Variants in GDAP1 observed in about 807,000 individuals in gnomAD.
GDAP1 encodes the protein ganglioside-induced differentiation-associated protein 1.
Under a neutral mutation model 40.1 loss-of-function variants are expected in GDAP1, and 34 were observed. The observed-to-expected ratio is 0.85, with a 90% CI of 0.64 to 1.13. The LOEUF is 1.13. GDAP1 is among the 50% of genes most tolerant of loss of function. The probability of loss-of-function intolerance (pLI) is 0.00; values close to 1 mark genes in which losing one functional copy is unlikely to be tolerated. For missense variants in GDAP1, 374 were observed against 433.7 expected (o/e 0.86, Z 1.22); for synonymous variants, 170 against 157.4 (o/e 1.08, Z -0.60).
chr8:74,382,898 A>G (rs140426456), intron 2 of GDAP1, among the ~76,000 whole-genome samples: 98 of 152,220 alleles, frequency 6.4e-4, no homozygotes, highest in African/African-American at 2.1e-3. Context: ...TCCTGTCAGG[A>G]GTTCTAAGCT....
intron 2 of GDAP1, among the ~76,000 whole-genome samples, chr8:74,455,482 G>A (rs932689102): frequency 1.3e-5 from 2 of 151,886 alleles, no homozygotes; most frequent in Non-Finnish European, 2.9e-5. Context: ...ATGACCCAAA[G>A]AATCTACAAA....
At chr8:74,383,081 C>T (rs938227115) in intron 2 of GDAP1, among the ~76,000 whole-genome samples, 2 of 152,140 alleles carry the variant, frequency 1.3e-5, no homozygotes, top group African/African-American at 4.8e-5. Context: ...AAGTCTGGGT[C>T]TTTTCAAGGT....
rs749792835 is a variant in GDAP1 at position 74,350,485 on chromosome 8, G to GAA, written c.25_26insAA (p.Arg9LysfsTer7). On this transcript the variant is annotated frameshift_variant, in exon 1 of 6. Coordinates refer to ENST00000220822, the MANE Select transcript of GDAP1 (RefSeq NM_018972.4). LOFTEE classifies it high-confidence loss of function. ...AGATGGCTGAGAGGCAGGAAGAGCA[G>GAA]AGAGGGAGCCCGCCCTTGAGGGCGG... is the stretch of plus-strand genomic sequence containing the variant. 1 of 1,612,826 alleles carries GAA rather than the reference G, an allele frequency of 6.2e-7. No individual in the cohort carries two copies. Among genetic ancestry groups the GAA allele is most frequent in the South Asian group, 1.1e-5 (1 of 91,070 alleles).
chr8:74,381,083 A>AGTGT (rs35444187), intron 2 of GDAP1, among the ~76,000 whole-genome samples: 32 of 150,710 alleles, frequency 2.1e-4, no homozygotes, highest in African/African-American at 4.6e-4. Context: ...ATGTTATTTG[A>AGTGT]GTGTGTGTGT....
At chr8:74,367,796 G>A (rs1362994207), downstream of GDAP1, among the ~76,000 whole-genome samples, 1 of 152,200 alleles carries the variant, frequency 6.6e-6, no homozygotes, top group Non-Finnish European at 1.5e-5. Context: ...AAGAGAAGGA[G>A]TGAAAGAACT....
chr8:74,446,622 G>T (rs1005194928), intron 2 of GDAP1, among the ~76,000 whole-genome samples: 1 of 152,158 alleles, frequency 6.6e-6, no homozygotes, highest in African/African-American at 2.4e-5. Context: ...ATTACTTTTA[G>T]TTGAAAAATG....
chr8:74,478,110 T>C (rs114859291), intron 2 of GDAP1, among the ~76,000 whole-genome samples: 4,143 of 39,472 alleles, frequency 0.1, 204 homozygotes, highest in African/African-American at 0.28. Context: ...AGGGTGCTGG[T>C]GGGGTGGTGG....
intron 2 of GDAP1, among the ~76,000 whole-genome samples, chr8:74,477,999 A>G (rs1806653142): frequency 6.6e-6 from 1 of 151,926 alleles, no homozygotes; most frequent in Admixed American, 6.6e-5. Flanking sequence ...TGTGTATCCT[A>G]TGCGCACATT....
At position 74,351,353 on chromosome 8, in the gene GDAP1, C is replaced by T. The variant is rs762688238; in HGVS notation, c.197C>T (p.Pro66Leu). 1.2e-6 allele frequency: 2 copies of T among 1,613,946 alleles called. No homozygotes were observed. Among genetic ancestry groups the T allele is most frequent in the Admixed American group, 3.3e-5 (2 of 60,026 alleles). ...VSLPLSEHNE[P>L]WFMRLNSTGE... is the part of the protein sequence containing the mutation. ...CTGCCCTTGAGTGAGCACAATGAGC[C>T]TTGGTTTATGCGTTTGAACTCAACT... is the stretch of plus-strand genomic sequence containing the variant. Residue 66 changes from proline to leucine, a missense_variant, in exon 2 of 6, where the codon CCT becomes CTT. Transcript: ENST00000220822.
rs1439179536 is a variant in GDAP1, at chr8:74,365,656, T to C, written c.*1289T>C. Reference sequence around the variant, plus strand: ...AAGAATGTACTAACTTTATCATTAATAGGAAAGTCATACCTAGGAAACAAT... The same window carrying C: ...AAGAATGTACTAACTTTATCATTAACAGGAAAGTCATACCTAGGAAACAAT... On this transcript the variant is annotated 3_prime_UTR_variant, in exon 6 of 6. Coordinates refer to ENST00000220822, the MANE Select transcript of GDAP1 (RefSeq NM_018972.4). The C allele has an allele frequency of 1.1e-5, 5 of 454,390 alleles. No individual in the cohort carries two copies. The highest frequency in any genetic ancestry group is 2.2e-5 in the Non-Finnish European group (5 of 226,806). 28.1% of individuals were successfully genotyped at this position (454,390 alleles called of 1,614,324 possible). A position where few individuals can be genotyped will look rare whatever the true frequency, so the allele number is the denominator to read the frequency against.
At chr8:74,402,134 TTGTC>T (rs1165824696) in intron 2 of GDAP1, among the ~76,000 whole-genome samples, 2 of 150,318 alleles carry the variant, frequency 1.3e-5, no homozygotes, top group Admixed American at 1.3e-4. Flanking sequence ...GCCTTTTTGT[TTGTC>T]TGTGCCCTGC....
At chr8:74,435,603 C>T (rs1399354665) in intron 2 of GDAP1, among the ~76,000 whole-genome samples, 1 of 152,172 alleles carries the variant, frequency 6.6e-6, no homozygotes, top group Non-Finnish European at 1.5e-5. Context: ...CAGAAGGATT[C>T]TGAGTTTTTA....
At chr8:74,357,575 T>C (rs1175835453) in intron 2 of GDAP1, among the ~76,000 whole-genome samples, 1 of 152,258 alleles carries the variant, frequency 6.6e-6, no homozygotes, top group Non-Finnish European at 1.5e-5. Context: ...TCTGCTGGTT[T>C]ATAATTTGCT....
intron 2 of GDAP1, among the ~76,000 whole-genome samples, chr8:74,464,599 G>C (rs562191978): frequency 2.0e-5 from 3 of 152,330 alleles, no homozygotes; most frequent in South Asian, 2.1e-4. Context: ...CTGAATGCTG[G>C]TTTTATAACA....
At chr8:74,398,131 G>A (rs886420929) in intron 2 of GDAP1, among the ~76,000 whole-genome samples, 1 of 152,014 alleles carries the variant, frequency 6.6e-6, no homozygotes, top group African/African-American at 2.4e-5. Context: ...GTGAATGGGA[G>A]TTCACTCATG....
chr8:74,382,658 A>G (rs1809971783), intron 2 of GDAP1, among the ~76,000 whole-genome samples: 1 of 152,120 alleles, frequency 6.6e-6, no homozygotes, highest in Non-Finnish European at 1.5e-5. Flanking sequence ...TACATGACTT[A>G]GATCTTAAAA....
At chr8:74,476,073 G>A (rs1806625160) in intron 2 of GDAP1, among the ~76,000 whole-genome samples, 1 of 152,100 alleles carries the variant, frequency 6.6e-6, no homozygotes, top group African/African-American at 2.4e-5. Flanking sequence ...TTGATTTAAA[G>A]TCTGTTTTGT....
intron 2 of GDAP1, among the ~76,000 whole-genome samples, chr8:74,442,809 G>A (rs1314930327): frequency 6.6e-6 from 1 of 152,148 alleles, no homozygotes; most frequent in African/African-American, 2.4e-5. Flanking sequence ...TGGAGTCAAA[G>A]GTTCAAAATG....
chr8:74,443,318 A>G (rs962527755), intron 2 of GDAP1, among the ~76,000 whole-genome samples: 4 of 152,174 alleles, frequency 2.6e-5, no homozygotes, highest in Admixed American at 2.6e-4. Context: ...CAAGCTTCAT[A>G]TGGTAAAATT....
Sources: gnomAD v4.1 joint callset for allele counts (sites outside exome capture counted in the v4.1 genomes callset) on GRCh38, gnomAD v4.1.1 for gene constraint, MANE v1.5 for transcripts, NCBI Gene and HGNC (gene_info 2026-07-23, HGNC 2026-07-21) for gene names.